The following LRRTM4 variants were observed in gnomAD, a reference collection of about 807,000 sequenced individuals.
The protein encoded by LRRTM4 is leucine rich repeat transmembrane neuronal 4.
Under a neutral mutation model 47.6 loss-of-function variants are expected in LRRTM4, and 25 were observed. The ratio of observed to expected loss-of-function variants is 0.53; its 90% confidence interval spans 0.38 to 0.73. The LOEUF is 0.73. LRRTM4 is among the 30% of genes least tolerant of loss of function. The pLI, the probability that LRRTM4 is intolerant of heterozygous loss-of-function variation, is 0.00. For synonymous variants in LRRTM4, 311 were observed against 269.5 expected (o/e 1.15, Z -1.51); for missense variants, 638 against 713.4 (o/e 0.89, Z 1.20).
chr2:76,798,378 A>C (rs1238999269), intron 3 of LRRTM4, among the ~76,000 whole-genome samples: 1 of 152,006 alleles, frequency 6.6e-6, no homozygotes, highest in African/African-American at 2.4e-5. Context: ...TGAAGGCACA[A>C]ATAAGGATGT....
chr2:77,016,866 T>A (rs975811920), intron 3 of LRRTM4, among the ~76,000 whole-genome samples: 1 of 152,112 alleles, frequency 6.6e-6, no homozygotes, highest in African/African-American at 2.4e-5. Context: ...TTTGAAATGA[T>A]ACTTTATTGA....
At chr2:77,156,462 G>T (rs1447107994) in intron 3 of LRRTM4, among the ~76,000 whole-genome samples, 1 of 151,788 alleles carries the variant, frequency 6.6e-6, no homozygotes, top group Non-Finnish European at 1.5e-5. Context: ...ATGGGAATTG[G>T]GATGAAAATG....
chr2:77,407,129 AGAATTG>A (rs2103849445), intron 3 of LRRTM4, among the ~76,000 whole-genome samples: 1 of 152,310 alleles, frequency 6.6e-6, no homozygotes, highest in South Asian at 2.1e-4. Flanking sequence ...AACCTTACAA[AGAATTG>A]GTATCTGCCC....
At chr2:76,905,787 G>C (rs1481525878) in intron 3 of LRRTM4, among the ~76,000 whole-genome samples, 5 of 151,980 alleles carry the variant, frequency 3.3e-5, no homozygotes, top group Non-Finnish European at 2.9e-5. Context: ...GAGAAGGCAA[G>C]TTTAGAGAAA....
At chr2:77,436,259 G>A (rs991594615) in intron 3 of LRRTM4, among the ~76,000 whole-genome samples, 6 of 152,050 alleles carry the variant, frequency 3.9e-5, no homozygotes, top group Admixed American at 1.3e-4. Flanking sequence ...AGTATGTTAC[G>A]TAGTGGTGAG....
At chr2:76,803,821 T>C (rs1228010533) in intron 3 of LRRTM4, among the ~76,000 whole-genome samples, 3 of 152,176 alleles carry the variant, frequency 2.0e-5, no homozygotes, top group Non-Finnish European at 4.4e-5. Flanking sequence ...CTGAAACATC[T>C]GTACAAACAA....
At chr2:76,810,948 G>C (rs978467008) in intron 3 of LRRTM4, among the ~76,000 whole-genome samples, 1 of 152,098 alleles carries the variant, frequency 6.6e-6, no homozygotes, top group African/African-American at 2.4e-5. Context: ...AGCACACCTG[G>C]TGATATTGTA....
chr2:76,755,064 C>A (rs931073808), intron 3 of LRRTM4, among the ~76,000 whole-genome samples: 1 of 152,102 alleles, frequency 6.6e-6, no homozygotes, highest in African/African-American at 2.4e-5. Context: ...TACAGTAAAA[C>A]CAGTAGAGCA....
intron 3 of LRRTM4, among the ~76,000 whole-genome samples, chr2:77,361,526 A>G (rs943511726): frequency 3.3e-5 from 5 of 152,172 alleles, no homozygotes; most frequent in Non-Finnish European, 5.9e-5. Context: ...CTGTTCCCTC[A>G]CATCTACGTT....
At chr2:77,157,567 G>GT (rs1042947832) in intron 3 of LRRTM4, among the ~76,000 whole-genome samples, 3 of 151,914 alleles carry the variant, frequency 2.0e-5, no homozygotes, top group South Asian at 2.1e-4. Context: ...TATGAGTATA[G>GT]TTTTTTTTGA....
chr2:77,362,788 T>A (rs1477222317), intron 3 of LRRTM4, among the ~76,000 whole-genome samples: 1 of 152,182 alleles, frequency 6.6e-6, no homozygotes, highest in Non-Finnish European at 1.5e-5. Flanking sequence ...AGTCCTTTTT[T>A]AAGTATCTGA....
At chr2:77,254,510 TA>T in intron 3 of LRRTM4, among the ~76,000 whole-genome samples, 1 of 151,956 alleles carries the variant, frequency 6.6e-6, no homozygotes, top group South Asian at 2.1e-4. Flanking sequence ...AAAATAGGAA[TA>T]AAAAATATGG....
At chr2:77,443,522 A>G (rs1421058306) in intron 3 of LRRTM4, among the ~76,000 whole-genome samples, 1 of 152,196 alleles carries the variant, frequency 6.6e-6, no homozygotes, top group Non-Finnish European at 1.5e-5. Context: ...AACAACATAT[A>G]CTTGAGCTTT....
intron 3 of LRRTM4, among the ~76,000 whole-genome samples, chr2:77,495,251 A>C (rs1678316332): frequency 1.3e-5 from 2 of 152,096 alleles, no homozygotes; most frequent in Admixed American, 1.3e-4. Context: ...ACAATTTTAC[A>C]TCCCTACTAG....
chr2:76,812,700 C>CTTTCTTTCTTTCT (rs1553413502), intron 3 of LRRTM4, among the ~76,000 whole-genome samples: 11 of 135,424 alleles, frequency 8.1e-5, no homozygotes, highest in East Asian at 4.5e-4. Flanking sequence ...TCTTTCTTTT[C>CTTTCTTTCTTTCT]TTTCTTTATT....
intron 3 of LRRTM4, among the ~76,000 whole-genome samples, chr2:77,147,943 T>C (rs1672303149): frequency 6.6e-6 from 1 of 152,194 alleles, no homozygotes; most frequent in Non-Finnish European, 1.5e-5. Flanking sequence ...ATGAAGCTTA[T>C]TTCATGCAGC....
chr2:77,277,952 C>G (rs149428581), intron 3 of LRRTM4, among the ~76,000 whole-genome samples: 24 of 152,084 alleles, frequency 1.6e-4, no homozygotes, highest in African/African-American at 5.5e-4. Context: ...CTAGGGTTGA[C>G]TAGAGTATTT....
chr2:76,753,191 C>T (rs1672910334), intron 3 of LRRTM4, among the ~76,000 whole-genome samples: 1 of 152,100 alleles, frequency 6.6e-6, no homozygotes. Context: ...TCACTTTAAT[C>T]CTCTTGAGTT....
At chr2:77,119,239 G>A (rs1247509807) in intron 3 of LRRTM4, among the ~76,000 whole-genome samples, 1 of 151,742 alleles carries the variant, frequency 6.6e-6, no homozygotes, top group Admixed American at 6.6e-5. Flanking sequence ...AATTTCTTGA[G>A]TCTACTTTCT....
Sources: gnomAD v4.1 joint callset for allele counts (sites outside exome capture counted in the v4.1 genomes callset) on GRCh38, gnomAD v4.1.1 for gene constraint, MANE v1.5 for transcripts, NCBI Gene and HGNC (gene_info 2026-07-23, HGNC 2026-07-21) for gene names.